The following MAST2 variants were observed in gnomAD, a reference collection of about 807,000 sequenced individuals.
The protein encoded by MAST2 is microtubule-associated serine/threonine-protein kinase 2.
Under a neutral mutation model 147.4 loss-of-function variants are expected in MAST2, and 70 were observed. That is an observed-to-expected ratio of 0.47 (90% CI 0.39 to 0.58). MAST2 has a LOEUF of 0.58. Among genes scored for constraint, MAST2 ranks in the 20% least tolerant of loss-of-function variants. The pLI is 0.00. For synonymous variants in MAST2, 869 were observed against 896.8 expected (o/e 0.97, Z 0.55); for missense variants, 2,080 against 2,302.3 (o/e 0.90, Z 1.98).
In MAST2 at chr1:46,003,537, G is replaced by A. The variant is rs572215532; in HGVS notation, c.747+654G>A. ...GGCTGGAGTGCAGTGGCGCAATCAC[G>A]GCTCGCTGCAGCTTCAACCTCCCCA... On this transcript the variant is annotated intron_variant, in intron 7 of 28. Coordinates refer to ENST00000361297, the MANE Select transcript of MAST2 (RefSeq NM_015112.3). Among the ~76,000 whole-genome samples the A allele has an allele frequency of 6.0e-4, 91 of 151,640 alleles. 1 individual carries two copies. The highest frequency in any genetic ancestry group is 1.1e-3 in the Non-Finnish European group (76 of 67,906).
Position 46,010,939 on chromosome 1 carries a change from T to C in MAST2, c.1188T>C (p.Asp396=), listed in dbSNP as rs1557472765. 1 of 1,612,892 alleles carries C rather than the reference T, an allele frequency of 6.2e-7. No individual in the cohort carries two copies. The highest frequency in any genetic ancestry group is 1.3e-5 in the African/African-American group (1 of 75,008). The change falls in exon 10 of 29, where the codon GAT becomes GAC. Residue 396 remains aspartate (D), a splice_region_variant and synonymous_variant. Coordinates refer to ENST00000361297, the MANE Select transcript of MAST2 (RefSeq NM_015112.3). The part of the protein sequence containing the change: ...LQDNLEKLLQ[D]AHERSESSEV... Reference sequence around the variant, plus strand: ...ATAATTTGGAGAAACTTTTACAAGATGTGAGTGTCCTTGTGCTGGGGTTCT... The same window carrying C: ...ATAATTTGGAGAAACTTTTACAAGACGTGAGTGTCCTTGTGCTGGGGTTCT...
At chr1:46,001,749 C>T (rs940290777) in intron 6 of MAST2, among the ~76,000 whole-genome samples, 1 of 152,122 alleles carries the variant, frequency 6.6e-6, no homozygotes, top group Admixed American at 6.5e-5. Flanking sequence ...AGGAGTGCTT[C>T]GAAGGGAGAA....
chr1:45,850,717 C>A (rs574051093), intron 3 of MAST2, among the ~76,000 whole-genome samples: 1 of 152,072 alleles, frequency 6.6e-6, no homozygotes, highest in Non-Finnish European at 1.5e-5. Flanking sequence ...AGTCCTCTCC[C>A]CATTGCTTAT....
chr1:45,874,512 C>G (rs1024288325), intron 3 of MAST2, among the ~76,000 whole-genome samples: 1 of 152,184 alleles, frequency 6.6e-6, no homozygotes, highest in African/African-American at 2.4e-5. Flanking sequence ...CCTAGTAAAG[C>G]TTCTTGCTGA....
At chr1:45,864,551 GTT>G (rs1262800128) in intron 3 of MAST2, among the ~76,000 whole-genome samples, 2 of 152,160 alleles carry the variant, frequency 1.3e-5, no homozygotes, top group Non-Finnish European at 2.9e-5. Flanking sequence ...ACAATAACTG[GTT>G]TTATATCATT....
intron 2 of MAST2, among the ~76,000 whole-genome samples, chr1:45,828,690 A>G (rs1644863013): frequency 1.3e-5 from 2 of 152,240 alleles, no homozygotes; most frequent in African/African-American, 4.8e-5. Flanking sequence ...TGGGAGGCCA[A>G]GGCGGGCACA....
chr1:46,012,903 G>A (rs1011927224), intron 10 of MAST2, among the ~76,000 whole-genome samples: 3 of 151,904 alleles, frequency 2.0e-5, no homozygotes, highest in Admixed American at 6.6e-5. Context: ...GCCCTGCCTC[G>A]GCCTCTCAAA....
rs749520345 is a variant in MAST2 at position 46,035,182 on chromosome 1, G to A, written c.4513G>A (p.Glu1505Lys). 2 of 1,614,032 alleles carry A rather than the reference G, an allele frequency of 1.2e-6. No individual in the cohort carries two copies. Among genetic ancestry groups the A allele is most frequent in the East Asian group, 2.2e-5 (1 of 44,872 alleles). ...QEAIREVDSS[E>K]DDTEEGPENS... ...AGCCATTCGTGAGGTGGACTCCTCAGAGGACGACACCGAGGAAGGGCCTGA... is the reference window on the plus strand; with the variant it reads ...AGCCATTCGTGAGGTGGACTCCTCAAAGGACGACACCGAGGAAGGGCCTGA... The change falls in exon 29 of 29, where the codon GAG (glutamate) becomes AAG (lysine). Residue 1505 changes from glutamate to lysine, a missense_variant. Coordinates refer to ENST00000361297, the MANE Select transcript of MAST2 (RefSeq NM_015112.3). The surrounding 1 kb of genome is among the most constrained non-coding windows in gnomAD (Gnocchi z 5.5).
intron 5 of MAST2, among the ~76,000 whole-genome samples, chr1:45,963,527 T>C (rs1241309241): frequency 6.6e-6 from 1 of 152,218 alleles, no homozygotes; most frequent in African/African-American, 2.4e-5. Flanking sequence ...TTGAAGCAAT[T>C]GTGAATGGGA....
chr1:45,982,923 G>C (rs993249886), intron 5 of MAST2, among the ~76,000 whole-genome samples: 1 of 152,230 alleles, frequency 6.6e-6, no homozygotes, highest in Non-Finnish European at 1.5e-5. Context: ...GGTAGTGTCA[G>C]AATAGCATCT....
At chr1:45,937,482 G>T (rs1656416469) in intron 4 of MAST2, among the ~76,000 whole-genome samples, 1 of 151,936 alleles carries the variant, frequency 6.6e-6, no homozygotes, top group African/African-American at 2.4e-5. Flanking sequence ...GGGTACGGTG[G>T]CTTACGCCTG....
intron 4 of MAST2, among the ~76,000 whole-genome samples, chr1:45,887,175 A>G (rs1486309325): frequency 1.3e-5 from 2 of 152,184 alleles, no homozygotes; most frequent in African/African-American, 4.8e-5. Flanking sequence ...TAGACCCTGC[A>G]TTTGGGAGCT....
At chr1:45,879,985 G>A (rs530807596) in intron 3 of MAST2, among the ~76,000 whole-genome samples, 2 of 152,284 alleles carry the variant, frequency 1.3e-5, no homozygotes, top group South Asian at 2.1e-4. Context: ...AGGATGTGAA[G>A]CAGTTGAAAC....
At chr1:45,827,455 A>G (rs1644828277) in intron 2 of MAST2, among the ~76,000 whole-genome samples, 1 of 152,096 alleles carries the variant, frequency 6.6e-6, no homozygotes. Flanking sequence ...CTCTTTCCCA[A>G]CAGGCCTTTA....
chr1:46,016,046 A>G (rs1449293966), intron 10 of MAST2, among the ~76,000 whole-genome samples: 1 of 152,092 alleles, frequency 6.6e-6, no homozygotes, highest in African/African-American at 2.4e-5. Flanking sequence ...AATGTAATCC[A>G]GCATATAAAC....
intron 4 of MAST2, among the ~76,000 whole-genome samples, chr1:45,890,126 G>T (rs902641749): frequency 1.3e-5 from 2 of 152,074 alleles, no homozygotes; most frequent in Admixed American, 6.5e-5. Context: ...CTTATGAAAG[G>T]CGTTCCTGAC....
intron 6 of MAST2, among the ~76,000 whole-genome samples, chr1:46,002,498 C>T (rs1377643162): frequency 2.0e-5 from 3 of 152,122 alleles, no homozygotes; most frequent in Admixed American, 2.0e-4. Context: ...GTCATTGTTT[C>T]TATGAAAGTA....
intron 1 of MAST2, among the ~76,000 whole-genome samples, chr1:45,819,299 C>G (rs895923836): frequency 6.6e-6 from 1 of 150,454 alleles, no homozygotes; most frequent in Non-Finnish European, 1.5e-5. Context: ...ATGACAAATT[C>G]TAATCATGCA....
At chr1:45,958,747 GA>G (rs2148904481) in intron 4 of MAST2, among the ~76,000 whole-genome samples, 1 of 152,248 alleles carries the variant, frequency 6.6e-6, no homozygotes, top group Non-Finnish European at 1.5e-5. Context: ...GCCTTCAAAA[GA>G]TAGACTGACT....
Sources: gnomAD v4.1 joint callset for allele counts (sites outside exome capture counted in the v4.1 genomes callset) on GRCh38, gnomAD v4.1.1 for gene constraint, Gnocchi (gnomAD v3.1) non-coding constraint, MANE v1.5 for transcripts, NCBI Gene and HGNC (gene_info 2026-07-23, HGNC 2026-07-21) for gene names.